The following BUB1B variants were observed in gnomAD, a reference collection of about 807,000 sequenced individuals.
The protein encoded by BUB1B is mitotic checkpoint serine/threonine-protein kinase BUB1 beta.
Under a neutral mutation model 137.7 loss-of-function variants are expected in BUB1B, and 86 were observed. That is an observed-to-expected ratio of 0.62 (90% CI 0.52 to 0.75). The LOEUF (loss-of-function observed/expected upper bound fraction) is 0.75, where lower values mean the gene tolerates loss of function less well. Ranked by LOEUF, BUB1B falls within the 30% of genes least tolerant of loss-of-function variation. BUB1B has a pLI of 0.00. For synonymous variants in BUB1B, 420 were observed against 417.9 expected, an observed-to-expected ratio of 1.00 and a Z score of -0.06; for missense variants, 1,130 against 1,236.9, an observed-to-expected ratio of 0.91 and a Z score of 1.30.
At chr15:40,185,428 AT>A (rs781616907) in intron 7 of BUB1B, 49 bp downstream of exon 7, 10 of 1,601,422 alleles carry the variant, frequency 6.2e-6, no homozygotes, top group South Asian at 1.1e-5. Context: ...AAGACTTCAC[AT>A]TTAGGGTAGA....
chr15:40,184,943 G>A (rs2037340573), intron 6 of BUB1B, among the ~76,000 whole-genome samples: 1 of 152,148 alleles, frequency 6.6e-6, no homozygotes, highest in Non-Finnish European at 1.5e-5. Context: ...TGGGGTGACT[G>A]GAGGAGGGAA....
At chr15:40,211,825 T>G (rs988350938) in intron 18 of BUB1B, among the ~76,000 whole-genome samples, 4 of 114,806 alleles carry the variant, frequency 3.5e-5, no homozygotes, top group African/African-American at 8.6e-5. Flanking sequence ...TGTTTTTTTG[T>G]TTTTTTTTTT....
Position 40,202,436 on chromosome 15 carries a change from G to A in BUB1B, c.1599G>A (p.Glu533=). ...GPSVPFSIFD[E]FLLSEKKNKS... is the part of the protein sequence containing the mutation. ...GTGTACCTTTCTCCATTTTTGATGA[G>A]TTTCTTCTTTCAGAAAAGAAGAATA... The change falls in exon 13 of 23, where the codon GAG becomes GAA. Residue 533 remains glutamate (E), a synonymous_variant. Transcript: ENST00000287598. 1 of 1,611,458 alleles carries A rather than the reference G, an allele frequency of 6.2e-7. No homozygotes were observed.
At chr15:40,180,642 C>CTTTTTTTTTTTTTTTTTTTTT (rs71132149) in intron 5 of BUB1B, among the ~76,000 whole-genome samples, 1 of 65,836 alleles carries the variant, frequency 1.5e-5, no homozygotes, top group Non-Finnish European at 2.7e-5. Context: ...TTTTCTTTTT[C>CTTTTTTTTTTTTTTTTTTTTT]TTTTTTTTTT....
chr15:40,188,017 C>T (rs1409643914), intron 8 of BUB1B, among the ~76,000 whole-genome samples: 1 of 152,140 alleles, frequency 6.6e-6, no homozygotes, highest in African/African-American at 2.4e-5. Context: ...AGAAACATGA[C>T]TTATGTTAAA....
chr15:40,169,183 C>T (rs972276305), intron 2 of BUB1B, among the ~76,000 whole-genome samples: 2 of 152,140 alleles, frequency 1.3e-5, no homozygotes, highest in Non-Finnish European at 2.9e-5. Context: ...TCTGCCTTTC[C>T]CAGCTTTTTA....
Position 40,211,894 on chromosome 15 carries a change from C to G in BUB1B, c.2386-605C>G, listed in dbSNP as rs552608283. Among the ~76,000 whole-genome samples the G allele has an allele frequency of 1.8e-4, 28 of 152,052 alleles. No homozygotes were observed. In the South Asian group the frequency reaches 5.6e-3, roughly 30 times the overall value. ...CTGGAGTGCAATGGCATGATTTTGG[C>G]TCACTGCAACCTCTGCCTCCCAGGG... On this transcript the variant is annotated intron_variant, in intron 18 of 22. Coordinates refer to ENST00000287598, the MANE Select transcript of BUB1B (RefSeq NM_001211.6).
chr15:40,183,849 A>C lies in BUB1B; in HGVS notation c.717A>C (p.Arg239Ser). 1 of 1,614,136 alleles carries C rather than the reference A, an allele frequency of 6.2e-7. No individual in the cohort carries two copies. Among genetic ancestry groups the C allele is most frequent in the Non-Finnish European group, 8.5e-7 (1 of 1,179,978 alleles). The stretch of plus-strand genomic sequence containing the variant: ...AGAGCAAAGGGAAAAAGACAGCAAG[A>C]GCTCCAATCATCCGTGTAGGAGGTG... ...ELKSKGKKTA[R>S]APIIRVGGAL... The change falls in exon 6 of 23, where the codon AGA becomes AGC. Residue 239 changes from arginine (R) to serine (S), a missense_variant. Arg to Ser is a moderately radical substitution (Grantham distance 110). Coordinates refer to ENST00000287598, the MANE Select transcript of BUB1B (RefSeq NM_001211.6).
intron 1 of BUB1B, among the ~76,000 whole-genome samples, chr15:40,162,655 A>C (rs1194085369): frequency 6.6e-6 from 1 of 152,160 alleles, no homozygotes; most frequent in East Asian, 1.9e-4. Context: ...TGGCACTAAG[A>C]TTTTTGGCTT....
At chr15:40,202,489 G>C in intron 13 of BUB1B, 24 bp downstream of exon 13, 2 of 1,602,188 alleles carry the variant, frequency 1.2e-6, no homozygotes, top group Non-Finnish European at 8.5e-7. Flanking sequence ...TTGTTTTTTT[G>C]GTTTTTTTTT....
intron 15 of BUB1B, among the ~76,000 whole-genome samples, chr15:40,207,379 G>T (rs2037650868): frequency 2.0e-5 from 3 of 152,224 alleles, no homozygotes; most frequent in Middle Eastern, 6.8e-3. Context: ...TGAGGGAGGC[G>T]GATCATTTCA....
chr15:40,214,744 T>G (rs2037753620), intron 20 of BUB1B, among the ~76,000 whole-genome samples: 1 of 152,194 alleles, frequency 6.6e-6, no homozygotes. Flanking sequence ...GTAGCAGCAT[T>G]TCTCATCCAG....
In BUB1B at chr15:40,204,265, A is replaced by C. The variant is rs532397098; in HGVS notation, c.1734+1571A>C. ...ATACTTTCTCAGATAATTCTGCTAC[A>C]GTTAGTCTACTGACTGCTATGAAAA... On this transcript the variant is annotated intron_variant, in intron 14 of 22. Coordinates refer to ENST00000287598, the MANE Select transcript of BUB1B (RefSeq NM_001211.6). 2.6e-5 allele frequency among the ~76,000 whole-genome samples: 4 copies of C among 152,276 alleles called. No individual in the cohort carries two copies. In the South Asian group the frequency reaches 8.3e-4, roughly 32 times the overall value.
chr15:40,170,756 C>CAA, intron 4 of BUB1B, 75 bp downstream of exon 4: 2 of 1,458,606 alleles, frequency 1.4e-6, no homozygotes, highest in Non-Finnish European at 1.9e-6. Context: ...TCTGGTATAC[C>CAA]AAAAAAAAAG....
chr15:40,197,649 A>T (rs188864837), intron 9 of BUB1B, among the ~76,000 whole-genome samples: 86 of 152,318 alleles, frequency 5.6e-4, no homozygotes, highest in African/African-American at 1.9e-3. Context: ...GGGAAACTTA[A>T]CCATCACTTA....
intron 14 of BUB1B, among the ~76,000 whole-genome samples, chr15:40,203,216 G>C (rs897083028): frequency 6.6e-6 from 1 of 152,106 alleles, no homozygotes; most frequent in African/African-American, 2.4e-5. Flanking sequence ...ATATTATTTG[G>C]CAACAAAAAG....
chr15:40,183,745 C>CT lies in BUB1B; in HGVS notation c.614dup (p.Leu206ValfsTer4). 6.2e-7 allele frequency: 1 copy of CT among 1,614,106 alleles called. No individual in the cohort carries two copies. The highest frequency in any genetic ancestry group is 8.5e-7 in the Non-Finnish European group (1 of 1,179,998). Reference sequence around the variant, plus strand: ...CCAAGCTCGAGTGTCTCGGCAAACTCTGTTGGCACTTGAGAAAGAAGAAGA... The same window carrying CT: ...CCAAGCTCGAGTGTCTCGGCAAACTCTTGTTGGCACTTGAGAAAGAAGAAGA... On this transcript the variant is annotated frameshift_variant, in exon 6 of 23. Transcript: ENST00000287598. LOFTEE classifies it high-confidence loss of function.
chr15:40,199,661 G>A lies in BUB1B; in HGVS notation c.1335G>A (p.Gln445=). ...SAEKRAEMQK[Q]IEEMEKKLKE... ...AGAAGAGAGCAGAAATGCAGAAACA[G>A]ATTGAAGAGATGGAGAAGAAGCTAA... The change falls in exon 10 of 23, where the codon CAG becomes CAA. Residue 445 remains glutamine, a synonymous_variant. Coordinates refer to ENST00000287598, the MANE Select transcript of BUB1B (RefSeq NM_001211.6). 6.2e-7 allele frequency: 1 copy of A among 1,613,990 alleles called. No homozygotes were observed. Among genetic ancestry groups the A allele is most frequent in the South Asian group, 1.1e-5 (1 of 91,082 alleles).
rs971034754 is a variant in BUB1B, at chr15:40,177,122, A to G, written c.581+449A>G. 5.3e-5 allele frequency among the ~76,000 whole-genome samples: 8 copies of G among 152,214 alleles called. No homozygotes were observed. In the East Asian group the frequency reaches 1.3e-3, roughly 26 times the overall value. On this transcript the variant is annotated intron_variant, in intron 5 of 22. Transcript: ENST00000287598. ...TTGTAAAAGTTCTTTATAGATTGTA[A>G]GTATAAGCCTTTGTCAGATATGTGA...
Sources: gnomAD v4.1 joint callset for allele counts (sites outside exome capture counted in the v4.1 genomes callset) on GRCh38, gnomAD v4.1.1 for gene constraint, MANE v1.5 for transcripts, NCBI Gene and HGNC (gene_info 2026-07-23, HGNC 2026-07-21) for gene names.